The following WDPCP variants were observed in gnomAD, a reference collection of about 807,000 sequenced individuals.
WDPCP encodes the protein WD repeat containing planar cell polarity effector, also known as WD repeat-containing and planar cell polarity effector protein fritz homolog.
Under a neutral mutation model 93.1 loss-of-function variants are expected in WDPCP, and 71 were observed. The observed-to-expected ratio is 0.76, with a 90% CI of 0.63 to 0.93. The LOEUF is 0.93. Ranked by LOEUF, WDPCP falls within the 40% of genes least tolerant of loss-of-function variation. The pLI is 0.00. For missense variants in WDPCP, 844 were observed against 887.4 expected, an observed-to-expected ratio of 0.95 and a Z score of 0.62; for synonymous variants, 315 against 315.0, an observed-to-expected ratio of 1.00 and a Z score of 0.00.
At chr2:63,328,477 C>T (rs1354138283) in intron 12 of WDPCP, among the ~76,000 whole-genome samples, 1 of 152,204 alleles carries the variant, frequency 6.6e-6, no homozygotes, top group African/African-American at 2.4e-5. Context: ...ACAAACAACT[C>T]TGGACGTGCC....
intron 10 of WDPCP, among the ~76,000 whole-genome samples, chr2:63,394,439 G>A (rs1191134478): frequency 6.6e-6 from 1 of 152,018 alleles, no homozygotes; most frequent in African/African-American, 2.4e-5. Flanking sequence ...ACTGCTAGTG[G>A]GAACGTAAAT....
intron 6 of WDPCP, among the ~76,000 whole-genome samples, chr2:63,464,528 T>C (rs536334274): frequency 6.6e-6 from 1 of 152,214 alleles, no homozygotes; most frequent in Admixed American, 6.5e-5. Flanking sequence ...TGATCTCAAT[T>C]CTGGGTATAC....
At chr2:63,530,507 A>C (rs1272551020) in intron 1 of WDPCP, among the ~76,000 whole-genome samples, 1 of 152,094 alleles carries the variant, frequency 6.6e-6, no homozygotes, top group African/African-American at 2.4e-5. Flanking sequence ...CCCTCCTATA[A>C]TGCAGCCCAC....
chr2:63,153,036 T>A, intron 16 of WDPCP, 91 bp from the exon 17 acceptor site: 1 of 1,026,698 alleles, frequency 9.7e-7, no homozygotes, highest in Non-Finnish European at 1.5e-6. Context: ...CAGAAATGCT[T>A]AAAATAATAA....
intron 14 of WDPCP, among the ~76,000 whole-genome samples, chr2:63,205,155 G>C (rs933149861): frequency 2.0e-5 from 3 of 152,122 alleles, no homozygotes; most frequent in Non-Finnish European, 4.4e-5. Context: ...TTCACTGGAG[G>C]TGCGTGGATT....
intron 1 of WDPCP, among the ~76,000 whole-genome samples, chr2:63,825,294 G>A (rs6745518): frequency 0.054 from 8,252 of 152,136 alleles, 425 homozygotes; most frequent in African/African-American, 0.12. Flanking sequence ...ATATTAAAAG[G>A]CTCTTATCTT....
intron 3 of WDPCP, among the ~76,000 whole-genome samples, chr2:63,614,356 G>A (rs1709650000): frequency 6.6e-6 from 1 of 151,142 alleles, no homozygotes; most frequent in Non-Finnish European, 1.5e-5. Flanking sequence ...CAAACCTTCA[G>A]AAGGCAAATG....
At chr2:63,235,733 A>G (rs970329920) in intron 14 of WDPCP, among the ~76,000 whole-genome samples, 3 of 152,140 alleles carry the variant, frequency 2.0e-5, no homozygotes, top group Non-Finnish European at 4.4e-5. Flanking sequence ...CATAAACAGA[A>G]TTAAAAAAAA....
intron 6 of WDPCP, among the ~76,000 whole-genome samples, chr2:63,474,556 C>G (rs867561446): frequency 6.6e-6 from 1 of 151,978 alleles, no homozygotes; most frequent in Admixed American, 6.6e-5. Flanking sequence ...TTGCTTATCT[C>G]CTGAGTGGAA....
At chr2:63,304,044 T>C (rs1685535680) in intron 13 of WDPCP, among the ~76,000 whole-genome samples, 1 of 150,028 alleles carries the variant, frequency 6.7e-6, no homozygotes, top group Non-Finnish European at 1.5e-5. Context: ...GGTGGGAATG[T>C]GAATTAGTAC....
At chr2:63,301,805 T>C (rs62177828) in intron 13 of WDPCP, among the ~76,000 whole-genome samples, 50 of 149,666 alleles carry the variant, frequency 3.3e-4, no homozygotes, top group African/African-American at 1.1e-3. Context: ...TTTTTTTTTT[T>C]CCACTTTTCT....
At chr2:63,260,696 C>T (rs969232224) in intron 13 of WDPCP, among the ~76,000 whole-genome samples, 3 of 152,092 alleles carry the variant, frequency 2.0e-5, no homozygotes, top group Admixed American at 6.6e-5. Flanking sequence ...ATTACAGGCA[C>T]GCACCACCAC....
intron 2 of WDPCP, among the ~76,000 whole-genome samples, chr2:63,688,673 GGA>G (rs1220954747): frequency 1.3e-5 from 2 of 152,050 alleles, no homozygotes; most frequent in Non-Finnish European, 2.9e-5. Flanking sequence ...TTGAGGTGAT[GGA>G]TACCCCCATT....
intron 2 of WDPCP, among the ~76,000 whole-genome samples, chr2:63,743,604 TA>T (rs1233069245): frequency 6.6e-6 from 1 of 152,170 alleles, no homozygotes; most frequent in African/African-American, 2.4e-5. Flanking sequence ...AATCCCAAGT[TA>T]TGAATACTTG....
At chr2:63,578,872 G>A (rs1019651746) in intron 1 of WDPCP, among the ~76,000 whole-genome samples, 2 of 152,140 alleles carry the variant, frequency 1.3e-5, no homozygotes, top group Non-Finnish European at 1.5e-5. Context: ...TATTCTTAAT[G>A]AGGCTCAAAT....
chr2:63,269,168 A>G (rs1007200924), intron 13 of WDPCP, among the ~76,000 whole-genome samples: 1 of 152,192 alleles, frequency 6.6e-6, no homozygotes, highest in African/African-American at 2.4e-5. Context: ...CAACCCAACC[A>G]GTGTTACTTA....
chr2:63,394,455 CAGACA>C (rs1693546561), intron 10 of WDPCP, among the ~76,000 whole-genome samples: 2 of 151,954 alleles, frequency 1.3e-5, no homozygotes, highest in Admixed American at 1.3e-4. Flanking sequence ...TAAATTAGCT[CAGACA>C]TGGTGGAAAG....
intron 14 of WDPCP, among the ~76,000 whole-genome samples, chr2:63,225,973 G>C (rs1382415789): frequency 6.6e-6 from 1 of 151,800 alleles, no homozygotes; most frequent in Non-Finnish European, 1.5e-5. Flanking sequence ...AATTATATGT[G>C]TGTGTTCACT....
At chr2:63,144,144 C>CTTT (rs997174952) in intron 17 of WDPCP, among the ~76,000 whole-genome samples, 1 of 152,082 alleles carries the variant, frequency 6.6e-6, no homozygotes, top group Non-Finnish European at 1.5e-5. Flanking sequence ...TTTTCTTCTT[C>CTTT]TTTTTTCTTT....
Sources: allele counts gnomAD v4.1 joint callset (sites outside exome capture counted in the v4.1 genomes callset), GRCh38; gene constraint gnomAD v4.1.1; transcripts MANE v1.5; gene names NCBI Gene and HGNC (gene_info 2026-07-23, HGNC 2026-07-21).